SIPA1L1: variants seen among roughly 807,000 people sequenced by gnomAD.
The protein encoded by SIPA1L1 is signal-induced proliferation-associated 1-like protein 1.
SIPA1L1 carries 26 observed loss-of-function variants against 162.7 expected under a neutral mutation model. The ratio of observed to expected loss-of-function variants is 0.16; its 90% CI spans 0.12 to 0.22. SIPA1L1 has a LOEUF of 0.22. Among genes scored for constraint, SIPA1L1 ranks in the 10% least tolerant of loss-of-function variants. The pLI, the probability that SIPA1L1 is intolerant of heterozygous loss-of-function variation, is 1.00. For missense variants in SIPA1L1, 1,874 were observed against 2,241.0 expected (o/e 0.84, Z 3.31); for synonymous variants, 829 against 837.4 (o/e 0.99, Z 0.17).
intron 14 of SIPA1L1, among the ~76,000 whole-genome samples, chr14:71,700,928 A>T (rs1360563197): frequency 7.9e-6 from 1 of 126,288 alleles, no homozygotes; most frequent in African/African-American, 3.0e-5. Context: ...CGGGAGGCGG[A>T]GCTTGCAGTG....
At chr14:71,567,119 G>A (rs1251882906) in intron 4 of SIPA1L1, among the ~76,000 whole-genome samples, 2 of 152,172 alleles carry the variant, frequency 1.3e-5, no homozygotes, top group African/African-American at 2.4e-5. Flanking sequence ...TAATTTAAAA[G>A]CAAAGCTGTG....
chr14:71,621,067 G>A (rs753650672), intron 6 of SIPA1L1, among the ~76,000 whole-genome samples: 36 of 152,088 alleles, frequency 2.4e-4, no homozygotes, highest in Non-Finnish European at 7.4e-5. Flanking sequence ...CTGAGATCTG[G>A]TCTGTCAGCA....
chr14:71,676,988 C>G (rs931159421), intron 12 of SIPA1L1, among the ~76,000 whole-genome samples: 1 of 152,142 alleles, frequency 6.6e-6, no homozygotes. Flanking sequence ...TGGGTGTATA[C>G]CCAGTAATGG....
chr14:71,390,817 A>G (rs1398787899), intron 2 of SIPA1L1, among the ~76,000 whole-genome samples: 1 of 152,016 alleles, frequency 6.6e-6, no homozygotes, highest in Non-Finnish European at 1.5e-5. Context: ...AAACCCCACC[A>G]TTCAGGAATC....
chr14:71,650,405 A>G lies in SIPA1L1; in HGVS notation c.1889A>G (p.Asn630Ser). 2.5e-6 allele frequency: 4 copies of G among 1,614,224 alleles called. No individual in the cohort carries two copies. Among genetic ancestry groups the G allele is most frequent in the East Asian group, 2.2e-5 (1 of 44,890 alleles). Residue 630 changes from asparagine (N) to serine (S), a missense_variant, in exon 8 of 24, where the codon AAC becomes AGC. Physicochemically the swap from Asn to Ser is conservative, Grantham distance 46. Around this residue, in one of 5 missense-constraint regions of SIPA1L1, gnomAD observed 685 missense variants for 828.0 expected, o/e 0.83. Coordinates refer to ENST00000381232, the MANE Select transcript of SIPA1L1 (RefSeq NM_001386936.1). ...AGQSTEEEMY[N>S]NESAGPAFEE... is the part of the protein sequence containing the mutation. ...CAGAGCACTGAAGAAGAGATGTACA[A>G]CAATGAGTCAGCTGGCCCAGCCTTT...
intron 2 of SIPA1L1, among the ~76,000 whole-genome samples, chr14:71,324,953 G>A (rs2033614512): frequency 6.6e-6 from 1 of 152,112 alleles, no homozygotes; most frequent in Admixed American, 6.5e-5. Flanking sequence ...GATTTATGTT[G>A]CGCCACCCTA....
intron 2 of SIPA1L1, among the ~76,000 whole-genome samples, chr14:71,394,915 TTCA>T (rs1227418479): frequency 1.3e-5 from 2 of 152,224 alleles, no homozygotes; most frequent in Non-Finnish European, 2.9e-5. Flanking sequence ...AAAAATTATT[TTCA>T]TCATTTCAAT....
chr14:71,352,192 T>G (rs2036786260), intron 2 of SIPA1L1, among the ~76,000 whole-genome samples: 1 of 152,076 alleles, frequency 6.6e-6, no homozygotes, highest in Admixed American at 6.5e-5. Flanking sequence ...TTTTCTGTCT[T>G]TTTCTTTTTG....
At chr14:71,569,596 CTCTG>C (rs1158710361) in intron 4 of SIPA1L1, among the ~76,000 whole-genome samples, 4 of 152,120 alleles carry the variant, frequency 2.6e-5, no homozygotes, top group Non-Finnish European at 5.9e-5. Flanking sequence ...AGGGGAAACC[CTCTG>C]TCTGATTTAA....
intron 2 of SIPA1L1, among the ~76,000 whole-genome samples, chr14:71,502,323 C>T (rs1186932970): frequency 6.8e-6 from 1 of 147,928 alleles, no homozygotes; most frequent in Non-Finnish European, 1.5e-5. Context: ...AGTGTAACCT[C>T]CGCCTCCAGG....
chr14:71,356,567 C>CCAAAAAAAAAAAA (rs777415215), intron 2 of SIPA1L1, among the ~76,000 whole-genome samples: 4 of 39,162 alleles, frequency 1.0e-4, no homozygotes, highest in African/African-American at 4.4e-4. Flanking sequence ...CTTGTCTCTA[C>CCAAAAAAAAAAAA]AAAAAAAAAA....
intron 2 of SIPA1L1, among the ~76,000 whole-genome samples, chr14:71,353,314 GAAGT>G (rs758016920): frequency 6.6e-6 from 1 of 152,300 alleles, no homozygotes; most frequent in Non-Finnish European, 1.5e-5. Flanking sequence ...ACCACTTGAA[GAAGT>G]AAGGTCACTA....
At chr14:71,443,386 A>G (rs755386834) in intron 2 of SIPA1L1, among the ~76,000 whole-genome samples, 1 of 152,170 alleles carries the variant, frequency 6.6e-6, no homozygotes, top group Non-Finnish European at 1.5e-5. Flanking sequence ...GAAACTGGTA[A>G]TATTTAATCA....
intron 13 of SIPA1L1, among the ~76,000 whole-genome samples, chr14:71,688,724 A>G (rs2081048582): frequency 6.6e-6 from 1 of 152,178 alleles, no homozygotes. Context: ...GTACTCACCA[A>G]GTATAATTTG....
Position 71,377,661 on chromosome 14 carries a change from C to T in SIPA1L1, c.-465+56480C>T, listed in dbSNP as rs980514103. ...TGGAGGTTGTAGCGAGCTGAGATCA[C>T]GCCACTGCACTCCAGCGTGGGCAAC... On this transcript the variant is annotated intron_variant, in intron 2 of 23. Transcript: ENST00000381232. This position sits in a 1 kb window ranked among gnomAD's most constrained non-coding sequence, Gnocchi z 4.8. Among the ~76,000 whole-genome samples the T allele has an allele frequency of 5.3e-5, 8 of 152,176 alleles. No homozygotes were observed. The highest frequency in any genetic ancestry group is 9.7e-5 in the African/African-American group (4 of 41,432).
intron 3 of SIPA1L1, among the ~76,000 whole-genome samples, chr14:71,517,853 A>G (rs2144715644): frequency 6.6e-6 from 1 of 152,276 alleles, no homozygotes; most frequent in South Asian, 2.1e-4. Context: ...TGTTTATCTT[A>G]TACATTTATA....
chr14:71,355,474 T>G (rs1276111917), intron 2 of SIPA1L1, among the ~76,000 whole-genome samples: 3 of 152,190 alleles, frequency 2.0e-5, no homozygotes, highest in Non-Finnish European at 4.4e-5. Flanking sequence ...TACTGATCAT[T>G]TTGGCATTCA....
intron 6 of SIPA1L1, among the ~76,000 whole-genome samples, chr14:71,621,054 C>T (rs1037395359): frequency 2.0e-5 from 3 of 152,182 alleles, no homozygotes; most frequent in Admixed American, 6.6e-5. Context: ...CTCCCTCCTG[C>T]CCCTGAGATC....
intron 6 of SIPA1L1, 67 bp downstream of exon 6, chr14:71,618,954 G>A: frequency 6.5e-7 from 1 of 1,542,136 alleles, no homozygotes; most frequent in Non-Finnish European, 8.9e-7. Context: ...AGTAGCAGTA[G>A]CAAAGCAATT....
Sources: gnomAD v4.1 joint callset for allele counts (sites outside exome capture counted in the v4.1 genomes callset) on GRCh38, gnomAD v4.1.1 for gene constraint, gnomAD v4.1.1 regional missense constraint, Gnocchi (gnomAD v3.1) non-coding constraint, MANE v1.5 for transcripts, NCBI Gene and HGNC (gene_info 2026-07-23, HGNC 2026-07-21) for gene names.